IGSF11: variants seen among roughly 807,000 people sequenced by gnomAD.
IGSF11 encodes CXADR like 1.
A neutral mutation model predicts 41.0 loss-of-function variants in IGSF11; 22 were observed. The ratio of observed to expected loss-of-function variants is 0.54; its 90% CI spans 0.38 to 0.77. IGSF11 has a LOEUF of 0.77. Among genes scored for constraint, IGSF11 ranks in the 30% least tolerant of loss-of-function variants. The pLI is 0.00. For missense variants in IGSF11, 444 were observed against 530.8 expected, an observed-to-expected ratio of 0.84 and a Z score of 1.61; for synonymous variants, 219 against 201.3, an observed-to-expected ratio of 1.09 and a Z score of -0.74.
intron 1 of IGSF11, among the ~76,000 whole-genome samples, chr3:118,984,468 G>A (rs1431063192): frequency 1.3e-5 from 2 of 152,132 alleles, no homozygotes; most frequent in Non-Finnish European, 2.9e-5. Context: ...AGGTTTAAAA[G>A]ATACATATGA....
In IGSF11 at chr3:119,034,624, C is replaced by G. The variant is rs758570189; in HGVS notation, c.-42G>C. On this transcript the variant is annotated 5_prime_UTR_variant, in exon 1 of 7. Transcript: ENST00000393775. The stretch of plus-strand genomic sequence containing the variant: ...GCGCGCCTGCCTCCTACCCGGCTCC[C>G]GGTCGCAACAGGAGAGGAGCGGGCG... 278 of 1,551,798 alleles carry G rather than the reference C, an allele frequency of 1.8e-4. No individual in the cohort carries two copies. Among genetic ancestry groups the G allele is most frequent in the Non-Finnish European group, 2.3e-4 (267 of 1,149,930 alleles).
intron 1 of IGSF11, among the ~76,000 whole-genome samples, chr3:119,113,238 A>G (rs1384154683): frequency 6.6e-6 from 1 of 152,154 alleles, no homozygotes; most frequent in Non-Finnish European, 1.5e-5. Context: ...TCATAATACA[A>G]TTATGCCTTC....
At chr3:119,067,624 G>GA (rs970402331) in intron 1 of IGSF11, among the ~76,000 whole-genome samples, 3 of 151,802 alleles carry the variant, frequency 2.0e-5, no homozygotes, top group African/African-American at 4.9e-5. Context: ...GTACTGTGGG[G>GA]AAAAAACTTT....
At chr3:118,937,031 G>A (rs578038883) in intron 1 of IGSF11, among the ~76,000 whole-genome samples, 1 of 152,346 alleles carries the variant, frequency 6.6e-6, no homozygotes. Context: ...TTTCACAACA[G>A]TGTTCTCTGA....
At chr3:119,105,287 A>T, upstream of IGSF11, 4 of 801,442 alleles carry the variant, frequency 5.0e-6, no homozygotes, top group Non-Finnish European at 6.0e-6. Flanking sequence ...ATTTTTAAAT[A>T]GTTTATTTTA....
At chr3:119,141,103 A>C (rs543125533) in intron 1 of IGSF11, among the ~76,000 whole-genome samples, 1 of 151,816 alleles carries the variant, frequency 6.6e-6, no homozygotes, top group South Asian at 2.1e-4. Flanking sequence ...TAAAAGATAA[A>C]TCAACAGAAA....
chr3:118,957,031 T>C (rs1376518609), intron 1 of IGSF11, among the ~76,000 whole-genome samples: 8 of 151,960 alleles, frequency 5.3e-5, no homozygotes, highest in Non-Finnish European at 1.2e-4. Context: ...TGATTTTCCA[T>C]CTACAAGCAG....
At chr3:119,134,278 C>T (rs2077525567) in intron 1 of IGSF11, among the ~76,000 whole-genome samples, 1 of 152,062 alleles carries the variant, frequency 6.6e-6, no homozygotes, top group African/African-American at 2.4e-5. Flanking sequence ...TCAAAGGGTC[C>T]CTGTTTGCAG....
intron 1 of IGSF11, among the ~76,000 whole-genome samples, chr3:119,119,769 G>A (rs551078732): frequency 6.6e-6 from 1 of 152,278 alleles, no homozygotes; most frequent in African/African-American, 2.4e-5. Flanking sequence ...GCAGGTGGGG[G>A]AGGGGGGTTA....
chr3:119,024,918 CT>C (rs1370687455), intron 1 of IGSF11, among the ~76,000 whole-genome samples: 1 of 152,082 alleles, frequency 6.6e-6, no homozygotes, highest in African/African-American at 2.4e-5. Context: ...TGACCCCTTC[CT>C]GACACATACA....
intron 1 of IGSF11, among the ~76,000 whole-genome samples, chr3:119,020,487 T>C (rs1208436219): frequency 6.6e-6 from 1 of 152,190 alleles, no homozygotes; most frequent in East Asian, 1.9e-4. Context: ...GAGCAGGAAA[T>C]AACACTTCAC....
Position 118,904,815 on chromosome 3 carries a change from A to G in IGSF11, c.704-17T>C, listed in dbSNP as rs1939376317. ...TGGGCTGGGCTGCAAAATATATTTAAGATATATTTAAAGAAAAGAGAAAGA... is the reference window on the plus strand; with the variant it reads ...TGGGCTGGGCTGCAAAATATATTTAGGATATATTTAAAGAAAAGAGAAAGA... On this transcript the variant is annotated splice_polypyrimidine_tract_variant and intron_variant, in intron 5 of 6. Coordinates refer to ENST00000393775, the MANE Select transcript of IGSF11 (RefSeq NM_001015887.3). 1 of 1,576,032 alleles carries G rather than the reference A, an allele frequency of 6.3e-7. No homozygotes were observed. Among genetic ancestry groups the G allele is most frequent in the Non-Finnish European group, 8.6e-7 (1 of 1,165,794 alleles).
chr3:119,002,691 G>C (rs1167854414), intron 1 of IGSF11, among the ~76,000 whole-genome samples: 2 of 132,236 alleles, frequency 1.5e-5, no homozygotes. Flanking sequence ...TTCTACATAT[G>C]GCTAGCCAGT....
chr3:118,927,438 A>C (rs1942427451), intron 3 of IGSF11, among the ~76,000 whole-genome samples: 1 of 152,210 alleles, frequency 6.6e-6, no homozygotes, highest in African/African-American at 2.4e-5. Flanking sequence ...CGGTACTCAG[A>C]GTATTTTATA....
chr3:119,064,087 G>C (rs761973077), intron 1 of IGSF11, among the ~76,000 whole-genome samples: 1 of 152,200 alleles, frequency 6.6e-6, no homozygotes, highest in African/African-American at 2.4e-5. Flanking sequence ...AAGAAAACTG[G>C]TGTGCAAGAG....
At chr3:118,904,341 G>C (rs934720535) in intron 6 of IGSF11, among the ~76,000 whole-genome samples, 8 of 152,180 alleles carry the variant, frequency 5.3e-5, no homozygotes, top group African/African-American at 1.9e-4. Flanking sequence ...ACACGTTTTA[G>C]ACACTACCTT....
intron 1 of IGSF11, among the ~76,000 whole-genome samples, chr3:118,966,635 G>C (rs76171756): frequency 1.1e-4 from 16 of 152,234 alleles, no homozygotes; most frequent in African/African-American, 3.1e-4. Context: ...AGGATCGCCA[G>C]GTTCGGGTTA....
chr3:118,950,321 A>G (rs1944480489), intron 1 of IGSF11, among the ~76,000 whole-genome samples: 1 of 152,210 alleles, frequency 6.6e-6, no homozygotes, highest in Non-Finnish European at 1.5e-5. Flanking sequence ...AAGTTCTAAC[A>G]GAGTAAAAAT....
At chr3:119,107,451 A>C (rs375277697), upstream of IGSF11, among the ~76,000 whole-genome samples, 1 of 151,412 alleles carries the variant, frequency 6.6e-6, no homozygotes, top group South Asian at 2.1e-4. Flanking sequence ...TTTTTCTTGT[A>C]AATTTGTTTG....
Sources: gnomAD v4.1 joint callset for allele counts (sites outside exome capture counted in the v4.1 genomes callset) on GRCh38, gnomAD v4.1.1 for gene constraint, MANE v1.5 for transcripts, NCBI Gene and HGNC (gene_info 2026-07-23, HGNC 2026-07-21) for gene names.